TMEM132B: variants seen among roughly 807,000 people sequenced by gnomAD.
TMEM132B encodes transmembrane protein 132B.
TMEM132B carries 18 observed loss-of-function variants against 90.8 expected under a neutral mutation model. That is an observed-to-expected ratio of 0.20 (90% CI 0.14 to 0.29). The LOEUF is 0.29. Among genes scored for constraint, TMEM132B ranks in the 10% least tolerant of loss-of-function variants. The pLI is 1.00. For synonymous variants in TMEM132B, 504 were observed against 523.3 expected, an observed-to-expected ratio of 0.96 and a Z score of 0.50; for missense variants, 1,096 against 1,326.8, an observed-to-expected ratio of 0.83 and a Z score of 2.70.
rs144789818 is a variant in TMEM132B, at chr12:125,626,595, T to A, written c.1438-17481T>A. 1.5e-3 allele frequency among the ~76,000 whole-genome samples: 233 copies of A among 152,338 alleles called. 3 individuals carry two copies. Among genetic ancestry groups the A allele is most frequent in the African/African-American group, 5.4e-3 (223 of 41,590 alleles). ...AGAACTATAGGGCAATAGTTATTTA[T>A]TTCGGAATCTTCATGATGCCATCCT... is the stretch of plus-strand genomic sequence containing the variant. On this transcript the variant is annotated intron_variant, in intron 5 of 8. Transcript: ENST00000682704.
At chr12:125,449,632 T>C (rs1336568243) in intron 3 of TMEM132B, among the ~76,000 whole-genome samples, 1 of 152,124 alleles carries the variant, frequency 6.6e-6, no homozygotes, top group African/African-American at 2.4e-5. Context: ...CATCTTTCTC[T>C]AGTATCTTGG....
At chr12:125,635,006 A>C (rs1044158714) in intron 5 of TMEM132B, among the ~76,000 whole-genome samples, 1 of 152,154 alleles carries the variant, frequency 6.6e-6, no homozygotes, top group Non-Finnish European at 1.5e-5. Flanking sequence ...TAGGTGTTGT[A>C]ATCCTTGTGG....
intron 2 of TMEM132B, among the ~76,000 whole-genome samples, chr12:125,402,586 T>G (rs1433316131): frequency 1.3e-5 from 2 of 152,268 alleles, no homozygotes; most frequent in African/African-American, 4.8e-5. Flanking sequence ...AATTTCACTT[T>G]GCAATGGATT....
intron 1 of TMEM132B, among the ~76,000 whole-genome samples, chr12:125,305,004 T>G (rs1424015962): frequency 6.6e-6 from 1 of 152,122 alleles, no homozygotes; most frequent in Non-Finnish European, 1.5e-5. Flanking sequence ...AAGTAAGACA[T>G]TTGCTTTGCT....
At chr12:125,638,947 T>C (rs1886558192) in intron 5 of TMEM132B, among the ~76,000 whole-genome samples, 1 of 152,214 alleles carries the variant, frequency 6.6e-6, no homozygotes, top group Non-Finnish European at 1.5e-5. Context: ...ACAAGCCACC[T>C]CACACATGCT....
At chr12:125,205,698 A>G (rs1381093169) in intron 1 of TMEM132B, among the ~76,000 whole-genome samples, 1 of 152,238 alleles carries the variant, frequency 6.6e-6, no homozygotes, top group Non-Finnish European at 1.5e-5. Context: ...GAGCAGCCCA[A>G]CTTCTGTGGG....
chr12:125,287,082 T>G (rs1239831248), intron 1 of TMEM132B, among the ~76,000 whole-genome samples: 2 of 151,798 alleles, frequency 1.3e-5, no homozygotes, highest in Non-Finnish European at 2.9e-5. Flanking sequence ...CCTCCATTGT[T>G]GAGGCCAGCA....
intron 1 of TMEM132B, among the ~76,000 whole-genome samples, chr12:125,206,940 G>T (rs575095177): frequency 1.3e-5 from 2 of 152,132 alleles, no homozygotes; most frequent in African/African-American, 2.4e-5. Context: ...CATGCTTCTC[G>T]CAGAGGCTCC....
intron 1 of TMEM132B, among the ~76,000 whole-genome samples, chr12:125,253,254 T>C (rs1874355647): frequency 6.6e-6 from 1 of 152,214 alleles, no homozygotes; most frequent in South Asian, 2.1e-4. Context: ...CGTTGGTTCA[T>C]ATTTATGGAA....
At chr12:125,566,439 CT>C (rs1884659394) in intron 4 of TMEM132B, among the ~76,000 whole-genome samples, 1 of 152,126 alleles carries the variant, frequency 6.6e-6, no homozygotes, top group African/African-American at 2.4e-5. Context: ...TAAATGTTTT[CT>C]GATTTTTGTT....
chr12:125,199,356 C>T (rs565139641), intron 1 of TMEM132B, among the ~76,000 whole-genome samples: 30 of 152,194 alleles, frequency 2.0e-4, no homozygotes, highest in African/African-American at 6.5e-4. Flanking sequence ...ATCTTAGCTA[C>T]GGTAATGCTG....
At chr12:125,239,628 G>A (rs527326084) in intron 1 of TMEM132B, among the ~76,000 whole-genome samples, 18 of 152,210 alleles carry the variant, frequency 1.2e-4, no homozygotes, top group Non-Finnish European at 1.6e-4. Flanking sequence ...GATGGCATGC[G>A]TCTTCCCTGA....
At chr12:125,563,816 G>A (rs1884600972) in intron 4 of TMEM132B, among the ~76,000 whole-genome samples, 1 of 152,172 alleles carries the variant, frequency 6.6e-6, no homozygotes, top group South Asian at 2.1e-4. Flanking sequence ...GCCATGTGAA[G>A]ATGCAGGCAC....
intron 1 of TMEM132B, chr12:125,301,265 T>C (rs1875816430): frequency 6.6e-6 from 1 of 152,178 alleles, no homozygotes; most frequent in African/African-American, 2.4e-5. Context: ...AGGTGCTGAG[T>C]TGTCAAAGGA....
intron 3 of TMEM132B, among the ~76,000 whole-genome samples, chr12:125,477,221 CT>C (rs1232129706): frequency 6.6e-6 from 1 of 151,830 alleles, no homozygotes; most frequent in African/African-American, 2.4e-5. Flanking sequence ...TATATATTCC[CT>C]TTTTTAAGAG....
chr12:125,555,508 G>C (rs914682917), intron 4 of TMEM132B, among the ~76,000 whole-genome samples: 1 of 142,124 alleles, frequency 7.0e-6, no homozygotes, highest in Non-Finnish European at 1.5e-5. Flanking sequence ...GCCCAGTACA[G>C]TGTTTTGGAG....
intron 1 of TMEM132B, among the ~76,000 whole-genome samples, chr12:125,320,662 A>T (rs1205936632): frequency 6.6e-6 from 1 of 152,180 alleles, no homozygotes. Context: ...AGTCGACCTC[A>T]GTCTTTGGCC....
At chr12:125,342,852 G>A (rs182085698) in intron 1 of TMEM132B, among the ~76,000 whole-genome samples, 1 of 152,254 alleles carries the variant, frequency 6.6e-6, no homozygotes, top group Admixed American at 6.5e-5. Flanking sequence ...CCTGTCTGTA[G>A]TGTCTCTTCT....
intron 2 of TMEM132B, among the ~76,000 whole-genome samples, chr12:125,384,690 G>A (rs181649717): frequency 1.4e-3 from 213 of 152,090 alleles, no homozygotes; most frequent in African/African-American, 4.6e-3. Context: ...TTACTCTGTC[G>A]CTCAGGCTGG....
Sources: gnomAD v4.1 joint callset for allele counts (sites outside exome capture counted in the v4.1 genomes callset) on GRCh38, gnomAD v4.1.1 for gene constraint, MANE v1.5 for transcripts, NCBI Gene and HGNC (gene_info 2026-07-23, HGNC 2026-07-21) for gene names.